SGCA: variants seen among roughly 807,000 people sequenced by gnomAD.
SGCA encodes the protein alpha-sarcoglycan.
A neutral mutation model predicts 38.1 loss-of-function variants in SGCA; 34 were observed. The observed-to-expected ratio is 0.89, with a 90% CI of 0.68 to 1.19. The LOEUF (loss-of-function observed/expected upper bound fraction) is 1.19. Among genes scored for constraint, SGCA ranks in the 50% most tolerant of loss-of-function variants. The pLI is 0.00. For missense variants in SGCA, 476 were observed against 524.9 expected, an observed-to-expected ratio of 0.91 and a Z score of 0.91; for synonymous variants, 209 against 214.6, an observed-to-expected ratio of 0.97 and a Z score of 0.23.
Position 50,175,326 on chromosome 17 carries a change from C to A in SGCA, c.1053C>A (p.Arg351=), listed in dbSNP as rs148373921. ...AGCTGCGGCAGATGGCGGCCAGCCG[C>A]GAGGTGCCCCGGCCACTCTCCACCC... is the stretch of plus-strand genomic sequence containing the variant. ...TEELRQMAAS[R]EVPRPLSTLP... The change falls in exon 9 of 10, where the codon CGC becomes CGA. Residue 351 remains arginine (R), a synonymous_variant. Transcript: ENST00000262018. 1 of 1,609,772 alleles carries A rather than the reference C, an allele frequency of 6.2e-7. No individual in the cohort carries two copies. Among genetic ancestry groups the A allele is most frequent in the South Asian group, 1.1e-5 (1 of 90,456 alleles).
rs768722155 is a variant in SGCA, at chr17:50,175,317, G to T, written c.1044G>T (p.Ala348=). The change falls in exon 9 of 10, where the codon GCG becomes GCT. Residue 348 remains alanine, a synonymous_variant. Transcript: ENST00000262018. Reference sequence around the variant, plus strand: ...ACACAGAGGAGCTGCGGCAGATGGCGGCCAGCCGCGAGGTGCCCCGGCCAC... The same window carrying T: ...ACACAGAGGAGCTGCGGCAGATGGCTGCCAGCCGCGAGGTGCCCCGGCCAC... ...HGNTEELRQM[A]ASREVPRPLS... is the part of the protein sequence containing the mutation. The T allele has an allele frequency of 6.2e-7, 1 of 1,608,596 alleles. No homozygotes were observed.
chr17:50,167,556 G>T lies in SGCA; in HGVS notation c.158-26G>T, dbSNP rs372497416. On this transcript the variant is annotated intron_variant, in intron 2 of 9. Coordinates refer to ENST00000262018, the MANE Select transcript of SGCA (RefSeq NM_000023.4). The surrounding 1 kb of genome is among the most constrained non-coding windows in gnomAD (Gnocchi z 4.5). Reference sequence around the variant, plus strand: ...CCCCGCAGGGCTCCTGCTGTGACTCGAATCCCCTCTCCTCGCTTCCACCAG... The same window carrying T: ...CCCCGCAGGGCTCCTGCTGTGACTCTAATCCCCTCTCCTCGCTTCCACCAG... 37 of 1,613,556 alleles carry T rather than the reference G, an allele frequency of 2.3e-5. No individual in the cohort carries two copies. Among genetic ancestry groups the T allele is most frequent in the Non-Finnish European group, 3.0e-5 (35 of 1,179,990 alleles).
At chr17:50,171,542 G>A (rs758946738) in intron 8 of SGCA, 2 of 456,626 alleles carry the variant, frequency 4.4e-6, no homozygotes, top group Non-Finnish European at 8.8e-6. Context: ...GCCACCCTTC[G>A]AACCCCCTTG....
intron 9 of SGCA, 64 bp downstream of exon 9, chr17:50,175,513 G>C (rs1189513166): frequency 3.5e-6 from 5 of 1,443,958 alleles, no homozygotes. Flanking sequence ...CACAAGGCTG[G>C]GGCAAATGGT....
intron 8 of SGCA, among the ~76,000 whole-genome samples, chr17:50,171,198 C>T (rs1290610528): frequency 2.6e-5 from 4 of 152,226 alleles, no homozygotes; most frequent in Non-Finnish European, 5.9e-5. Flanking sequence ...CCAGGCTCTG[C>T]CACACAATTA....
chr17:50,175,614 G>C, intron 9 of SGCA, 98 bp from the exon 10 acceptor site: 1 of 715,980 alleles, frequency 1.4e-6, no homozygotes, highest in South Asian at 1.5e-5. Flanking sequence ...CCAGGGCTAT[G>C]ACCCCAATGC....
Position 50,167,237 on chromosome 17 carries a change from C to T in SGCA, c.38-131C>T. The stretch of plus-strand genomic sequence containing the variant: ...TCCCCCATCCCCACCCCAATCCCTT[C>T]CTGGGAGGCAGCAAAGGAAGCGCTT... On this transcript the variant is annotated intron_variant, in intron 1 of 9. Coordinates refer to ENST00000262018, the MANE Select transcript of SGCA (RefSeq NM_000023.4). The surrounding 1 kb of genome is among the most constrained non-coding windows in gnomAD (Gnocchi z 4.5). 1.5e-6 allele frequency: 2 copies of T among 1,326,274 alleles called. No individual in the cohort carries two copies. Among genetic ancestry groups the T allele is most frequent in the African/African-American group, 1.4e-5 (1 of 69,448 alleles). The allele number at this position is 1,326,274 out of a possible 1,614,324, so 82.2% of individuals were successfully genotyped here.
At chr17:50,169,388 T>C in intron 6 of SGCA, 134 bp downstream of exon 6, 2 of 688,056 alleles carry the variant, frequency 2.9e-6, no homozygotes, top group Non-Finnish European at 4.9e-6. Context: ...ATGCTCTCAG[T>C]ATTGCCCACA....
intron 8 of SGCA, chr17:50,171,786 C>T (rs202159116): frequency 1.6e-4 from 75 of 456,644 alleles, no homozygotes; most frequent in Admixed American, 4.2e-4. Context: ...CGGGCCATGT[C>T]GTAGCCCGTG....
At chr17:50,169,917 T>G in intron 6 of SGCA, 1 of 616,940 alleles carries the variant, frequency 1.6e-6, no homozygotes, top group Non-Finnish European at 2.9e-6. Flanking sequence ...CCTTCTGACA[T>G]TACAGGTGAT....
At chr17:50,170,617 C>T in intron 7 of SGCA, 23 bp from the exon 8 acceptor site, 1 of 1,557,972 alleles carries the variant, frequency 6.4e-7, no homozygotes, top group Non-Finnish European at 8.7e-7. Context: ...GCTGGGCTAA[C>T]CCTCTCCTTC....
Position 50,170,668 on chromosome 17 carries a change from T to C in SGCA, c.983+2T>C, listed in dbSNP as rs1422161247. Reference sequence around the variant, plus strand: ...GAAGAGAGACCTGGCTACCTCCGAGTGAGTAAAGGAAAGCTGGGGGTGGGG... The same window carrying C: ...GAAGAGAGACCTGGCTACCTCCGAGCGAGTAAAGGAAAGCTGGGGGTGGGG... On this transcript the variant is annotated splice_donor_variant, in intron 8 of 9. Coordinates refer to ENST00000262018, the MANE Select transcript of SGCA (RefSeq NM_000023.4). LOFTEE classifies it high-confidence loss of function. 2 of 1,558,802 alleles carry C rather than the reference T, an allele frequency of 1.3e-6. No individual in the cohort carries two copies. Among genetic ancestry groups the C allele is most frequent in the Non-Finnish European group, 1.7e-6 (2 of 1,150,480 alleles).
intron 8 of SGCA, chr17:50,171,927 C>T (rs1316685007): frequency 2.2e-6 from 1 of 456,672 alleles, no homozygotes; most frequent in Non-Finnish European, 4.4e-6. Flanking sequence ...TGCCCAGTCG[C>T]TGTCTTGCTA....
Position 50,167,268 on chromosome 17 carries a change from G to T in SGCA, c.38-100G>T, listed in dbSNP as rs533579654. ...AGGCAGCAAAGGAAGCGCTTCTCTC[G>T]GTCCCTTAGGGGCTCCAAGGACTTG... On this transcript the variant is annotated intron_variant, in intron 1 of 9. Coordinates refer to ENST00000262018, the MANE Select transcript of SGCA (RefSeq NM_000023.4). The surrounding 1 kb of genome is among the most constrained non-coding windows in gnomAD (Gnocchi z 4.5). 5.2e-6 allele frequency: 8 copies of T among 1,549,884 alleles called. No homozygotes were observed. The East Asian group carries it at 1.6e-4, about 31-fold the overall frequency.
chr17:50,168,396 C>G lies in SGCA; in HGVS notation c.408C>G (p.Ala136=), dbSNP rs143551687. The G allele has an allele frequency of 1.3e-6, 2 of 1,585,956 alleles. No homozygotes were observed. The highest frequency in any genetic ancestry group is 1.7e-6 in the Non-Finnish European group (2 of 1,166,302). The change falls in exon 5 of 10, where the codon GCC becomes GCG. Residue 136 remains alanine (A), a synonymous_variant. Coordinates refer to ENST00000262018, the MANE Select transcript of SGCA (RefSeq NM_000023.4). ...CAGGCCCCCTGCTGCCATACCAAGC[C>G]GAGTTCCTGGTGCGCAGCCACGATG... The part of the protein sequence containing the change: ...DPEGPLLPYQ[A]EFLVRSHDAE...
rs1905849844 is a variant in SGCA, at chr17:50,175,357, A to G, written c.1084A>G (p.Met362Val). ...GCCCCGGCCACTCTCCACCCTGCCC[A>G]TGTTCAATGTGCACACAGGTGAGCG... ...EVPRPLSTLP[M>V]FNVHTGERLP... is the part of the protein sequence containing the mutation. Residue 362 changes from methionine (M) to valine (V), a missense_variant, in exon 9 of 10, where the codon ATG becomes GTG. Coordinates refer to ENST00000262018, the MANE Select transcript of SGCA (RefSeq NM_000023.4). The G allele has an allele frequency of 1.9e-6, 3 of 1,612,594 alleles. No homozygotes were observed. The highest frequency in any genetic ancestry group is 4.5e-5 in the East Asian group (2 of 44,894).
chr17:50,170,402 T>C, intron 7 of SGCA, 51 bp downstream of exon 7: 3 of 1,546,662 alleles, frequency 1.9e-6, no homozygotes, highest in Non-Finnish European at 2.7e-6. Flanking sequence ...CTCACACCCA[T>C]GGGACTCACA....
chr17:50,167,800 T>C lies in SGCA; in HGVS notation c.312+64T>C, dbSNP rs1316679519. 1.3e-6 allele frequency: 2 copies of C among 1,585,046 alleles called. No homozygotes were observed. Among genetic ancestry groups the C allele is most frequent in the Non-Finnish European group, 1.7e-6 (2 of 1,155,386 alleles). ...CAGAGTGGCCTCCTAGGAGCAGCCC[T>C]ATGAATTGGGATTGGGTGCTCATTC... On this transcript the variant is annotated intron_variant, in intron 3 of 9. Coordinates refer to ENST00000262018, the MANE Select transcript of SGCA (RefSeq NM_000023.4). The surrounding 1 kb of genome is among the most constrained non-coding windows in gnomAD (Gnocchi z 4.5).
rs1905029719 is a variant in SGCA at position 50,167,671 on chromosome 17, C to G, written c.247C>G (p.Pro83Ala). Residue 83 changes from proline (P) to alanine (A), a missense_variant, in exon 3 of 10, where the codon CCC becomes GCC. Transcript: ENST00000262018. The surrounding 1 kb of genome is among the most constrained non-coding windows in gnomAD (Gnocchi z 4.5). The part of the protein sequence containing the change: ...PRWLRYTQRS[P>A]HHPGFLYGSA... ...GTGGCTCCGCTACACCCAGCGCAGC[C>G]CCCACCACCCTGGCTTCCTCTACGG... 4.3e-6 allele frequency: 7 copies of G among 1,613,812 alleles called. No homozygotes were observed. The East Asian group carries it at 1.6e-4, about 36-fold the overall frequency.
Sources: allele counts gnomAD v4.1 joint callset (sites outside exome capture counted in the v4.1 genomes callset), GRCh38; gene constraint gnomAD v4.1.1; non-coding constraint Gnocchi (gnomAD v3.1); transcripts MANE v1.5; gene names NCBI Gene and HGNC (gene_info 2026-07-23, HGNC 2026-07-21).